The following CEP128 variants were observed in gnomAD, a reference collection of about 807,000 sequenced individuals.
The protein encoded by CEP128 is centrosomal protein 128kDa.
CEP128 carries 132 observed loss-of-function variants against 156.7 expected under a neutral mutation model. The observed-to-expected ratio is 0.84, with a 90% CI of 0.73 to 0.97. The LOEUF is 0.97. Ranked by LOEUF, CEP128 falls within the 50% of genes least tolerant of loss-of-function variation. The probability of loss-of-function intolerance (pLI) is 0.00; values close to 1 mark genes in which losing one functional copy is unlikely to be tolerated. For synonymous variants in CEP128, 469 were observed against 448.9 expected (o/e 1.04, Z -0.57); for missense variants, 1,252 against 1,281.9 (o/e 0.98, Z 0.36).
At chr14:80,742,293 C>T (rs1898872014) in intron 19 of CEP128, among the ~76,000 whole-genome samples, 1 of 152,060 alleles carries the variant, frequency 6.6e-6, no homozygotes, top group African/African-American at 2.4e-5. Flanking sequence ...TCAACTAGTT[C>T]CTGACTTTCC....
At chr14:80,932,802 C>T (rs955876029) in intron 2 of CEP128, among the ~76,000 whole-genome samples, 1 of 152,098 alleles carries the variant, frequency 6.6e-6, no homozygotes, top group Non-Finnish European at 1.5e-5. Flanking sequence ...CTCTCTGCCT[C>T]CCAGTCTGTG....
intron 19 of CEP128, among the ~76,000 whole-genome samples, chr14:80,653,443 T>C (rs1376342604): frequency 6.6e-6 from 1 of 152,136 alleles, no homozygotes; most frequent in African/African-American, 2.4e-5. Context: ...CAATTGAGAA[T>C]CTGCAGCAAG....
rs73340509 is a variant in CEP128, at chr14:80,740,308, C to G, written c.2806+2767G>C. Reference sequence around the variant, plus strand: ...CATAGAAACTCTATGCTAGGTGATACATAAAACAAAACACATTTCTCAATT... The same window carrying G: ...CATAGAAACTCTATGCTAGGTGATAGATAAAACAAAACACATTTCTCAATT... On this transcript the variant is annotated intron_variant, in intron 19 of 24. Coordinates refer to ENST00000555265, the MANE Select transcript of CEP128 (RefSeq NM_152446.5). 8.1e-3 allele frequency among the ~76,000 whole-genome samples: 1,228 copies of G among 152,122 alleles called. 12 individuals are homozygous for G. Among genetic ancestry groups the G allele is most frequent in the African/African-American group, 0.028 (1,144 of 41,502 alleles).
intron 19 of CEP128, among the ~76,000 whole-genome samples, chr14:80,681,608 T>A (rs1163692050): frequency 6.6e-6 from 1 of 152,180 alleles, no homozygotes; most frequent in African/African-American, 2.4e-5. Context: ...GAGTGAGTTC[T>A]CATGAGGTGA....
intron 6 of CEP128, among the ~76,000 whole-genome samples, chr14:80,902,637 A>G (rs530045012): frequency 6.6e-6 from 1 of 152,310 alleles, no homozygotes; most frequent in South Asian, 2.1e-4. Context: ...ACTTTAAAGA[A>G]GCAGAAAAAG....
intron 2 of CEP128, chr14:80,955,204 A>C: frequency 3.8e-6 from 1 of 260,100 alleles, no homozygotes; most frequent in East Asian, 8.9e-5. Flanking sequence ...TTCTCTGGAT[A>C]AGGAGTGCGT....
At chr14:80,764,275 G>T (rs2139699287) in intron 16 of CEP128, among the ~76,000 whole-genome samples, 1 of 151,778 alleles carries the variant, frequency 6.6e-6, no homozygotes, top group East Asian at 2.0e-4. Flanking sequence ...GAGGCGGGTG[G>T]ATCATGAGGT....
chr14:80,648,042 C>G (rs1210925370), intron 19 of CEP128, among the ~76,000 whole-genome samples: 4 of 152,054 alleles, frequency 2.6e-5, no homozygotes, highest in Non-Finnish European at 5.9e-5. Flanking sequence ...ATTGTCATAA[C>G]CAGTTCACCC....
At chr14:80,854,366 A>C (rs2140128996) in intron 9 of CEP128, among the ~76,000 whole-genome samples, 1 of 152,334 alleles carries the variant, frequency 6.6e-6, no homozygotes, top group South Asian at 2.1e-4. Flanking sequence ...AAAAAAAGGA[A>C]AAAACAAGAA....
At chr14:80,847,495 G>A (rs1242044676) in intron 9 of CEP128, among the ~76,000 whole-genome samples, 1 of 152,082 alleles carries the variant, frequency 6.6e-6, no homozygotes, top group African/African-American at 2.4e-5. Context: ...ATGATGATAG[G>A]ACAAAGAGCA....
At chr14:80,710,154 T>C (rs1300152416) in intron 19 of CEP128, among the ~76,000 whole-genome samples, 1 of 152,124 alleles carries the variant, frequency 6.6e-6, no homozygotes, top group Admixed American at 6.5e-5. Flanking sequence ...AATCTAATAA[T>C]GAAATCATGC....
At chr14:80,681,353 T>A (rs1896317389) in intron 19 of CEP128, among the ~76,000 whole-genome samples, 1 of 152,162 alleles carries the variant, frequency 6.6e-6, no homozygotes, top group African/African-American at 2.4e-5. Context: ...AAAATCTGAA[T>A]GTAGCGACAC....
intron 19 of CEP128, among the ~76,000 whole-genome samples, chr14:80,723,630 G>A (rs1897906167): frequency 6.6e-6 from 1 of 152,148 alleles, no homozygotes; most frequent in Non-Finnish European, 1.5e-5. Flanking sequence ...AAAATATTCA[G>A]GGCTAATTAT....
intron 17 of CEP128, among the ~76,000 whole-genome samples, chr14:80,761,177 G>A (rs903547436): frequency 1.3e-5 from 2 of 151,494 alleles, no homozygotes; most frequent in Non-Finnish European, 2.9e-5. Flanking sequence ...TGACTCCAAG[G>A]GCTACCTCTC....
At chr14:80,641,004 C>T (rs565691375) in intron 19 of CEP128, among the ~76,000 whole-genome samples, 7 of 152,286 alleles carry the variant, frequency 4.6e-5, no homozygotes, top group African/African-American at 1.7e-4. Flanking sequence ...TTCCTAGCTA[C>T]TTTGAAGGGC....
At chr14:80,572,595 A>T (rs1406689788) in intron 20 of CEP128, among the ~76,000 whole-genome samples, 2 of 152,220 alleles carry the variant, frequency 1.3e-5, no homozygotes, top group Non-Finnish European at 2.9e-5. Flanking sequence ...TCTGTAACAC[A>T]AATGAGATTG....
At chr14:80,585,453 A>G (rs1868630) in intron 19 of CEP128, among the ~76,000 whole-genome samples, 17 of 152,316 alleles carry the variant, frequency 1.1e-4, no homozygotes, top group African/African-American at 4.1e-4. Context: ...ACACCCATCT[A>G]GTAACTTGAA....
chr14:80,633,846 T>C (rs934586326), intron 19 of CEP128, among the ~76,000 whole-genome samples: 1 of 152,206 alleles, frequency 6.6e-6, no homozygotes, highest in Admixed American at 6.5e-5. Flanking sequence ...CATCCATTCT[T>C]GGTATTAAAA....
chr14:80,876,310 G>C (rs1888278334), intron 8 of CEP128, among the ~76,000 whole-genome samples: 1 of 151,500 alleles, frequency 6.6e-6, no homozygotes, highest in African/African-American at 2.4e-5. Flanking sequence ...TAAAAAAAAA[G>C]CATCAGGCCG....
Sources: gnomAD v4.1 joint callset for allele counts (sites outside exome capture counted in the v4.1 genomes callset) on GRCh38, gnomAD v4.1.1 for gene constraint, MANE v1.5 for transcripts, NCBI Gene and HGNC (gene_info 2026-07-23, HGNC 2026-07-21) for gene names.